Variants in MIPOL1 observed in about 807,000 individuals in gnomAD.
MIPOL1 encodes mirror-image polydactyly 1, also known as mirror-image polydactyly gene 1 protein.
Under a neutral mutation model 60.9 loss-of-function variants are expected in MIPOL1, and 57 were observed. The ratio of observed to expected loss-of-function variants is 0.94; its 90% CI spans 0.76 to 1.17. MIPOL1 has a LOEUF of 1.17. Among genes scored for constraint, MIPOL1 ranks in the 50% most tolerant of loss-of-function variants. The pLI is 0.00. For missense variants in MIPOL1, 551 were observed against 511.6 expected (o/e 1.08, Z -0.74); for synonymous variants, 179 against 168.8 (o/e 1.06, Z -0.47).
At chr14:37,524,279 T>C (rs1039969224) in intron 12 of MIPOL1, among the ~76,000 whole-genome samples, 2 of 152,216 alleles carry the variant, frequency 1.3e-5, no homozygotes, top group South Asian at 2.1e-4. Context: ...GAAATTGTGA[T>C]AACTTGGATG....
At chr14:37,293,801 A>G (rs1176746056) in intron 7 of MIPOL1, among the ~76,000 whole-genome samples, 1 of 152,204 alleles carries the variant, frequency 6.6e-6, no homozygotes, top group African/African-American at 2.4e-5. Context: ...TAGGTAAACA[A>G]AGTGGCTGGG....
chr14:37,413,232 G>A (rs1454667608), intron 10 of MIPOL1, among the ~76,000 whole-genome samples: 1 of 151,934 alleles, frequency 6.6e-6, no homozygotes, highest in Non-Finnish European at 1.5e-5. Flanking sequence ...AAATATTAAT[G>A]TATTATTTTA....
intron 10 of MIPOL1, among the ~76,000 whole-genome samples, chr14:37,379,469 C>A (rs192449820): frequency 3.4e-4 from 51 of 152,032 alleles, no homozygotes; most frequent in African/African-American, 1.2e-3. Context: ...TAAGCTGGGC[C>A]TAATAAAAAT....
chr14:37,332,286 A>G (rs553981061), intron 9 of MIPOL1, among the ~76,000 whole-genome samples: 11 of 152,150 alleles, frequency 7.2e-5, no homozygotes, highest in Non-Finnish European at 1.3e-4. Context: ...AATTTTATCA[A>G]ATGCTTTTTT....
chr14:37,438,782 C>G (rs1230631444), intron 11 of MIPOL1, among the ~76,000 whole-genome samples: 1 of 152,172 alleles, frequency 6.6e-6, no homozygotes, highest in East Asian at 1.9e-4. Flanking sequence ...TAAATACACG[C>G]CCTTTGATTT....
intron 12 of MIPOL1, among the ~76,000 whole-genome samples, chr14:37,523,210 C>T (rs1488337844): frequency 3.3e-5 from 5 of 152,154 alleles, no homozygotes; most frequent in Middle Eastern, 3.4e-3. Context: ...GCCCATCTGT[C>T]TGCCTAATTA....
chr14:37,399,132 C>A (rs1044594728), intron 10 of MIPOL1, among the ~76,000 whole-genome samples: 2 of 152,108 alleles, frequency 1.3e-5, no homozygotes, highest in Non-Finnish European at 2.9e-5. Flanking sequence ...GTCCATAAGA[C>A]AATTTAGTTG....
At chr14:37,455,381 T>C (rs535472660) in intron 11 of MIPOL1, among the ~76,000 whole-genome samples, 1 of 152,282 alleles carries the variant, frequency 6.6e-6, no homozygotes, top group East Asian at 1.9e-4. Context: ...CCTCACTCTT[T>C]CTTGACTGCC....
chr14:37,527,142 A>G (rs937330873), intron 12 of MIPOL1, among the ~76,000 whole-genome samples: 1 of 152,034 alleles, frequency 6.6e-6, no homozygotes, highest in Non-Finnish European at 1.5e-5. Context: ...TTGATTTATA[A>G]AAACTCTGAG....
chr14:37,541,922 C>A (rs2095531292), intron 12 of MIPOL1, among the ~76,000 whole-genome samples: 1 of 152,186 alleles, frequency 6.6e-6, no homozygotes, highest in African/African-American at 2.4e-5. Context: ...ACTCCTTTCC[C>A]ATAGTCTATC....
At chr14:37,462,173 T>C (rs1255102874) in intron 11 of MIPOL1, among the ~76,000 whole-genome samples, 1 of 152,152 alleles carries the variant, frequency 6.6e-6, no homozygotes, top group East Asian at 1.9e-4. Flanking sequence ...AAACCTCAAT[T>C]CTTGACTTCT....
intron 12 of MIPOL1, among the ~76,000 whole-genome samples, chr14:37,527,806 T>C (rs1214341772): frequency 1.3e-5 from 2 of 152,106 alleles, no homozygotes; most frequent in African/African-American, 4.8e-5. Context: ...AATTTATGTC[T>C]AGGTATGAAG....
chr14:37,388,772 C>A (rs915746496), intron 10 of MIPOL1, among the ~76,000 whole-genome samples: 3 of 152,000 alleles, frequency 2.0e-5, no homozygotes, highest in African/African-American at 7.2e-5. Context: ...TGGCTTCTTT[C>A]AACATGATGA....
At chr14:37,397,817 G>T (rs1025109189) in intron 10 of MIPOL1, among the ~76,000 whole-genome samples, 1 of 152,070 alleles carries the variant, frequency 6.6e-6, no homozygotes, top group East Asian at 1.9e-4. Flanking sequence ...TCTCACTCCC[G>T]CTGTGGCCCC....
chr14:37,523,702 CA>C (rs749380386), intron 12 of MIPOL1: 2 of 335,150 alleles, frequency 6.0e-6, no homozygotes, highest in Non-Finnish European at 1.1e-5. Flanking sequence ...CACTGATGAA[CA>C]AACTCAAACT....
In MIPOL1 at chr14:37,490,479, C is replaced by T. The variant is rs186903463; in HGVS notation, c.1032-9429C>T. On this transcript the variant is annotated intron_variant, in intron 11 of 12. Transcript: ENST00000684589. ...GTGAACGGTCTGTCTTGCTGACATT[C>T]CAGGTGCCACCGGGGTATAGAAAAA... Among the ~76,000 whole-genome samples the T allele has an allele frequency of 1.5e-3, 221 of 152,198 alleles. 2 individuals carry two copies. Among genetic ancestry groups the T allele is most frequent in the South Asian group, 2.9e-3 (14 of 4,826 alleles).
chr14:37,325,599 A>G (rs78257959), intron 9 of MIPOL1, among the ~76,000 whole-genome samples: 4,128 of 120,250 alleles, frequency 0.034, 215 homozygotes, highest in African/African-American at 0.12. Flanking sequence ...TCTCCTTCTT[A>G]TTCTCTCTGT....
intron 12 of MIPOL1, among the ~76,000 whole-genome samples, chr14:37,501,254 C>G (rs2095211537): frequency 6.6e-6 from 1 of 152,276 alleles, no homozygotes; most frequent in African/African-American, 2.4e-5. Context: ...TGCAGTTATT[C>G]ACAATGTACG....
intron 11 of MIPOL1, among the ~76,000 whole-genome samples, chr14:37,474,300 TG>T (rs2094733476): frequency 6.6e-6 from 1 of 152,156 alleles, no homozygotes; most frequent in Non-Finnish European, 1.5e-5. Flanking sequence ...CTAGATCATA[TG>T]GTGACATTCT....
Sources: allele counts gnomAD v4.1 joint callset (sites outside exome capture counted in the v4.1 genomes callset), GRCh38; gene constraint gnomAD v4.1.1; transcripts MANE v1.5; gene names NCBI Gene and HGNC (gene_info 2026-07-23, HGNC 2026-07-21).